The following NRG3 variants were observed in gnomAD, a reference collection of about 807,000 sequenced individuals.
NRG3 encodes the protein neuregulin 3.
In NRG3, 31 loss-of-function variants were observed where a neutral mutation model predicts 66.9. The observed-to-expected ratio is 0.46, with a 90% CI of 0.35 to 0.63. The LOEUF is 0.63. Among genes scored for constraint, NRG3 ranks in the 20% least tolerant of loss-of-function variants. The pLI, the probability that NRG3 is intolerant of heterozygous loss-of-function variation, is 0.00. For synonymous variants in NRG3, 393 were observed against 359.4 expected, an observed-to-expected ratio of 1.09 and a Z score of -1.06; for missense variants, 910 against 878.9, an observed-to-expected ratio of 1.04 and a Z score of -0.45.
At chr10:82,851,628 C>G (rs2063563796) in intron 3 of NRG3, among the ~76,000 whole-genome samples, 1 of 152,002 alleles carries the variant, frequency 6.6e-6, no homozygotes, top group Non-Finnish European at 1.5e-5. Context: ...CTTTTTATTG[C>G]CAAGATCTCC....
chr10:82,415,993 C>T (rs940426232), intron 2 of NRG3, among the ~76,000 whole-genome samples: 6 of 152,112 alleles, frequency 3.9e-5, no homozygotes, highest in African/African-American at 1.4e-4. Context: ...AAATGATGAA[C>T]ATATTACCTC....
intron 2 of NRG3, among the ~76,000 whole-genome samples, chr10:82,660,086 C>T (rs1436625427): frequency 6.6e-6 from 1 of 151,282 alleles, no homozygotes; most frequent in Non-Finnish European, 1.5e-5. Flanking sequence ...ATCCCAGCTA[C>T]TCCAGAGGCT....
intron 1 of NRG3, among the ~76,000 whole-genome samples, chr10:81,999,823 G>A (rs956638535): frequency 2.6e-5 from 4 of 152,164 alleles, no homozygotes; most frequent in Non-Finnish European, 5.9e-5. Context: ...AAGTAACACA[G>A]AAATTCATGT....
chr10:82,203,211 A>T (rs1786223242), intron 1 of NRG3, among the ~76,000 whole-genome samples: 1 of 152,182 alleles, frequency 6.6e-6, no homozygotes, highest in Admixed American at 6.5e-5. Context: ...GCAAAATTTC[A>T]GATTAAATCA....
chr10:82,436,969 G>C (rs868115540), intron 2 of NRG3, among the ~76,000 whole-genome samples: 6 of 152,042 alleles, frequency 3.9e-5, no homozygotes, highest in Non-Finnish European at 8.8e-5. Context: ...GCCCTTAACA[G>C]TTTTTCCTTC....
chr10:82,504,412 G>A (rs895282528), intron 2 of NRG3, among the ~76,000 whole-genome samples: 7 of 152,094 alleles, frequency 4.6e-5, no homozygotes, highest in African/African-American at 1.7e-4. Context: ...CCCATGCTGT[G>A]GTGTAGCCAA....
intron 1 of NRG3, among the ~76,000 whole-genome samples, chr10:82,214,490 G>A (rs1324796471): frequency 6.6e-6 from 1 of 152,080 alleles, no homozygotes; most frequent in African/African-American, 2.4e-5. Flanking sequence ...TTGGAGACAA[G>A]GTCTCACTCC....
intron 5 of NRG3, among the ~76,000 whole-genome samples, chr10:82,957,795 T>C (rs748049503): frequency 6.7e-6 from 1 of 149,984 alleles, no homozygotes; most frequent in Non-Finnish European, 1.5e-5. Context: ...TAGTTTCCTA[T>C]ATCGTGTGTA....
chr10:82,555,015 G>A (rs936669122), intron 2 of NRG3, among the ~76,000 whole-genome samples: 1 of 152,096 alleles, frequency 6.6e-6, no homozygotes, highest in African/African-American at 2.4e-5. Context: ...CCCTCACTGT[G>A]TTCTAGTCCC....
chr10:82,764,222 A>G (rs749487210), intron 3 of NRG3, among the ~76,000 whole-genome samples: 1 of 151,912 alleles, frequency 6.6e-6, no homozygotes, highest in Non-Finnish European at 1.5e-5. Flanking sequence ...TTTAGTGGAG[A>G]TGGGGTTTTG....
At chr10:82,600,009 TA>T (rs1285150684) in intron 2 of NRG3, among the ~76,000 whole-genome samples, 1 of 152,080 alleles carries the variant, frequency 6.6e-6, no homozygotes, top group African/African-American at 2.4e-5. Context: ...TTATAATACT[TA>T]AAAAAATAGT....
At chr10:82,519,583 A>G (rs1565018923) in intron 2 of NRG3, among the ~76,000 whole-genome samples, 3 of 152,100 alleles carry the variant, frequency 2.0e-5, no homozygotes, top group Admixed American at 2.0e-4. Flanking sequence ...TGTCCTCAGT[A>G]CCCAGCCTGG....
chr10:82,642,145 GT>G (rs2050625454), intron 2 of NRG3, among the ~76,000 whole-genome samples: 1 of 152,074 alleles, frequency 6.6e-6, no homozygotes, highest in Admixed American at 6.6e-5. Flanking sequence ...ATGGCCTACA[GT>G]TCCATCCATG....
chr10:82,466,459 T>A (rs974115015), intron 2 of NRG3, among the ~76,000 whole-genome samples: 5 of 152,152 alleles, frequency 3.3e-5, no homozygotes, highest in African/African-American at 4.8e-5. Flanking sequence ...CTCCTCTGAT[T>A]GCCACTAGGG....
At chr10:82,893,415 C>A (rs915460767) in intron 4 of NRG3, among the ~76,000 whole-genome samples, 6 of 152,158 alleles carry the variant, frequency 3.9e-5, no homozygotes, top group African/African-American at 1.2e-4. Flanking sequence ...GTGGGCCAGG[C>A]GCGGTGGCTC....
At chr10:82,101,006 C>T (rs2066695659) in intron 1 of NRG3, among the ~76,000 whole-genome samples, 1 of 151,998 alleles carries the variant, frequency 6.6e-6, no homozygotes, top group Admixed American at 6.6e-5. Context: ...TTTTAACACA[C>T]ATTAGTTCTT....
intron 3 of NRG3, among the ~76,000 whole-genome samples, chr10:82,785,026 T>TA (rs1466097412): frequency 1.3e-5 from 2 of 152,078 alleles, no homozygotes; most frequent in Non-Finnish European, 2.9e-5. Context: ...TATGCAGCCA[T>TA]AAAAATGATG....
intron 1 of NRG3, among the ~76,000 whole-genome samples, chr10:82,157,465 A>G (rs1037779542): frequency 6.6e-6 from 1 of 151,686 alleles, no homozygotes; most frequent in Non-Finnish European, 1.5e-5. Context: ...ATCTCCTCCT[A>G]TGTCAAGGTC....
intron 2 of NRG3, among the ~76,000 whole-genome samples, chr10:82,565,400 G>A (rs2133059626): frequency 6.6e-6 from 1 of 152,174 alleles, no homozygotes; most frequent in South Asian, 2.1e-4. Context: ...TAGATAATTG[G>A]AAAAATGCTG....
Sources: gnomAD v4.1 joint callset for allele counts (sites outside exome capture counted in the v4.1 genomes callset) on GRCh38, gnomAD v4.1.1 for gene constraint, MANE v1.5 for transcripts, NCBI Gene and HGNC (gene_info 2026-07-23, HGNC 2026-07-21) for gene names.